Variants in ICE1 observed in about 807,000 individuals in gnomAD.
ICE1 encodes the protein interactor of little elongation complex ELL subunit 1.
A neutral mutation model predicts 192.7 loss-of-function variants in ICE1; 64 were observed. The observed-to-expected ratio is 0.33, with a 90% CI of 0.27 to 0.41. ICE1 has a LOEUF of 0.41. ICE1 is among the 10% of genes least tolerant of loss of function. The pLI, the probability that ICE1 is intolerant of heterozygous loss-of-function variation, is 1.00. For missense variants in ICE1, 2,708 were observed against 2,696.0 expected (o/e 1.00, Z -0.10); for synonymous variants, 1,010 against 984.5 (o/e 1.03, Z -0.49).
intron 10 of ICE1, among the ~76,000 whole-genome samples, chr5:5,450,197 T>C (rs1738372653): frequency 6.6e-6 from 1 of 152,186 alleles, no homozygotes; most frequent in Admixed American, 6.5e-5. Flanking sequence ...GCATTTCCTT[T>C]AGAGAAAGTC....
At chr5:5,431,110 T>A (rs1436926650) in intron 1 of ICE1, among the ~76,000 whole-genome samples, 1 of 152,188 alleles carries the variant, frequency 6.6e-6, no homozygotes, top group Non-Finnish European at 1.5e-5. Flanking sequence ...TGAATCTGAC[T>A]CTGTGACTCT....
rs917928942 is a variant in ICE1, at chr5:5,461,034, C to A, written c.1700C>A (p.Thr567Lys). ...CCCAAATCAGAGTTTACTAAGTGGACACGAATTAATGAAATCACTTCTGAA... is the reference window on the plus strand; with the variant it reads ...CCCAAATCAGAGTTTACTAAGTGGAAACGAATTAATGAAATCACTTCTGAA... ...GSPKSEFTKW[T>K]RINEITSEPD... is the part of the protein sequence containing the mutation. The change falls in exon 13 of 19, where the codon ACA becomes AAA. Residue 567 changes from threonine to lysine, a missense_variant. This residue lies in a region of ICE1 where 2,366 missense variants were observed against 2,276.6 expected (regional missense o/e 1.04). Transcript: ENST00000296564. 7.4e-6 allele frequency: 12 copies of A among 1,613,910 alleles called. No homozygotes were observed. Among genetic ancestry groups the A allele is most frequent in the Non-Finnish European group, 1.0e-5 (12 of 1,179,902 alleles).
chr5:5,440,769 C>T (rs1337501540), intron 4 of ICE1, among the ~76,000 whole-genome samples: 2 of 151,914 alleles, frequency 1.3e-5, no homozygotes, highest in Admixed American at 6.6e-5. Context: ...TACCTGTAGT[C>T]CCAGCTGCTT....
chr5:5,446,939 A>G (rs1217131072), intron 7 of ICE1, among the ~76,000 whole-genome samples: 1 of 152,214 alleles, frequency 6.6e-6, no homozygotes, highest in Non-Finnish European at 1.5e-5. Flanking sequence ...GATCTCTAAT[A>G]AAGGTCCTAG....
intron 18 of ICE1, among the ~76,000 whole-genome samples, chr5:5,487,254 A>G (rs1739661631): frequency 6.6e-6 from 1 of 152,172 alleles, no homozygotes; most frequent in Non-Finnish European, 1.5e-5. Context: ...AGAGCTTGGA[A>G]ACCTGGAGAC....
At position 5,462,881 on chromosome 5, in the gene ICE1, CAGTT is replaced by C. The variant is rs1561090039; in HGVS notation, c.3550_3553del (p.Leu1184GlyfsTer18). ...GGTTGTGATGTTTCTTGAGAGCTGTCAGTTAGGGGATTATAGTTCAGGGGACTCT... is the reference window on the plus strand; with the variant it reads ...GGTTGTGATGTTTCTTGAGAGCTGTCAGGGGATTATAGTTCAGGGGACTCT... On this transcript the variant is annotated frameshift_variant, in exon 13 of 19. Coordinates refer to ENST00000296564, the MANE Select transcript of ICE1 (RefSeq NM_015325.3). LOFTEE classifies it high-confidence loss of function. 10 of 1,608,836 alleles carry C rather than the reference CAGTT, an allele frequency of 6.2e-6. No homozygotes were observed. The highest frequency in any genetic ancestry group is 7.6e-6 in the Non-Finnish European group (9 of 1,177,196).
chr5:5,470,872 A>G (rs569342926), intron 15 of ICE1, among the ~76,000 whole-genome samples: 2 of 152,354 alleles, frequency 1.3e-5, no homozygotes, highest in South Asian at 4.1e-4. Context: ...TTAAAAGTCA[A>G]TGAAAAGGTA....
chr5:5,427,933 G>C (rs1269780029), intron 1 of ICE1, among the ~76,000 whole-genome samples: 2 of 152,164 alleles, frequency 1.3e-5, no homozygotes, highest in Non-Finnish European at 2.9e-5. Context: ...AGGAGGGACA[G>C]TTATATAGGA....
chr5:5,476,055 A>T lies in ICE1; in HGVS notation c.6496A>T (p.Ile2166Leu). The change falls in exon 17 of 19, where the codon ATA becomes TTA. Residue 2166 changes from isoleucine (I) to leucine (L), a missense_variant. By Grantham distance (5) the Ile-to-Leu change is conservative. This residue lies in a region of ICE1 where 342 missense variants were observed against 419.3 expected (regional missense o/e 0.82). Transcript: ENST00000296564. Reference sequence around the variant, plus strand: ...CATTGCGTATACTCCTGATATTATTATAGCCTCAATACTGAGGCTGATTGG... The same window carrying T: ...CATTGCGTATACTCCTGATATTATTTTAGCCTCAATACTGAGGCTGATTGG... ...ANIAYTPDII[I>L]ASILRLIGRL... 1 of 1,602,472 alleles carries T rather than the reference A, an allele frequency of 6.2e-7. No individual in the cohort carries two copies. The highest frequency in any genetic ancestry group is 1.7e-5 in the Admixed American group (1 of 59,406).
At chr5:5,437,032 T>A in intron 2 of ICE1, 48 bp from the exon 3 acceptor site, 2 of 1,170,114 alleles carry the variant, frequency 1.7e-6, no homozygotes, top group Non-Finnish European at 2.5e-6. Flanking sequence ...TAACATAGTA[T>A]ATTTTCTAAA....
intron 3 of ICE1, chr5:5,437,915 C>T (rs1222347135): frequency 2.0e-5 from 3 of 152,240 alleles, no homozygotes; most frequent in African/African-American, 7.2e-5. Flanking sequence ...AACTTGAGGC[C>T]TGCTTCAATA....
intron 5 of ICE1, among the ~76,000 whole-genome samples, chr5:5,441,680 G>A (rs193192031): frequency 1.1e-3 from 170 of 152,290 alleles, no homozygotes; most frequent in African/African-American, 4.0e-3. Context: ...GAAGCGTGTA[G>A]GGCTTCTGCT....
In ICE1 at chr5:5,462,174, A is replaced by G; in HGVS notation, c.2840A>G (p.Glu947Gly). The G allele has an allele frequency of 1.2e-6, 2 of 1,613,036 alleles. No homozygotes were observed. Among genetic ancestry groups the G allele is most frequent in the Non-Finnish European group, 1.7e-6 (2 of 1,179,272 alleles). ...FNSPGGSSPV[E>G]NSDCSTNSRL... is the part of the protein sequence containing the mutation. ...TCTCCAGGTGGTTCTTCACCAGTAG[A>G]AAATTCTGATTGTTCCACAAATAGC... is the stretch of plus-strand genomic sequence containing the variant. The change falls in exon 13 of 19, where the codon GAA (glutamate) becomes GGA (glycine). Residue 947 changes from glutamate to glycine, a missense_variant. This residue lies in a region of ICE1 where 2,366 missense variants were observed against 2,276.6 expected (regional missense o/e 1.04). Coordinates refer to ENST00000296564, the MANE Select transcript of ICE1 (RefSeq NM_015325.3).
intron 17 of ICE1, among the ~76,000 whole-genome samples, chr5:5,484,323 A>G (rs1007204299): frequency 2.6e-5 from 4 of 152,182 alleles, no homozygotes; most frequent in Non-Finnish European, 4.4e-5. Flanking sequence ...CCCTTATAAC[A>G]TGATGATATA....
At chr5:5,451,635 G>C (rs1429085259) in intron 10 of ICE1, among the ~76,000 whole-genome samples, 1 of 152,040 alleles carries the variant, frequency 6.6e-6, no homozygotes, top group Non-Finnish European at 1.5e-5. Flanking sequence ...AATTGACTCA[G>C]AACAATTGCT....
At chr5:5,457,246 G>C (rs887018617) in intron 11 of ICE1, 86 bp from the exon 12 acceptor site, 3 of 1,304,680 alleles carry the variant, frequency 2.3e-6, no homozygotes, top group Non-Finnish European at 3.1e-6. Context: ...TTGAACTGTT[G>C]TAATAAGGTT....
intron 15 of ICE1, among the ~76,000 whole-genome samples, chr5:5,471,852 C>T (rs1213340587): frequency 1.3e-5 from 2 of 152,094 alleles, no homozygotes; most frequent in South Asian, 2.1e-4. Context: ...TTGGGTTCTT[C>T]AAGGTGGTTC....
intron 4 of ICE1, among the ~76,000 whole-genome samples, chr5:5,440,413 G>C (rs1738007433): frequency 1.3e-5 from 2 of 152,198 alleles, no homozygotes; most frequent in Admixed American, 1.3e-4. Flanking sequence ...CAGGACTCAA[G>C]ATTGGAACAG....
Position 5,462,625 on chromosome 5 carries a change from C to T in ICE1, c.3291C>T (p.Tyr1097=), listed in dbSNP as rs777991760. 28 of 1,613,826 alleles carry T rather than the reference C, an allele frequency of 1.7e-5. No individual in the cohort carries two copies. The highest frequency in any genetic ancestry group is 2.4e-5 in the Non-Finnish European group (28 of 1,179,904). ...GCCTGCCTGGTACCTTACATTGTTA[C>T]ACAGGCATTCGAGAGGGGGGAGACG... ...QSSLPGTLHC[Y]TGIREGGDDT... Residue 1097 remains tyrosine (Y), a synonymous_variant, in exon 13 of 19, where the codon TAC becomes TAT. Transcript: ENST00000296564.
Sources: gnomAD v4.1 joint callset for allele counts (sites outside exome capture counted in the v4.1 genomes callset) on GRCh38, gnomAD v4.1.1 for gene constraint, gnomAD v4.1.1 regional missense constraint, MANE v1.5 for transcripts, NCBI Gene and HGNC (gene_info 2026-07-23, HGNC 2026-07-21) for gene names.